GIGYF2: variants seen among roughly 807,000 people sequenced by gnomAD.
GIGYF2 encodes the protein GRB10 interacting GYF protein 2, also known as GRB10-interacting GYF protein 2.
GIGYF2 carries 25 observed loss-of-function variants against 208.1 expected under a neutral mutation model. The ratio of observed to expected loss-of-function variants is 0.12; its 90% CI spans 0.09 to 0.17. GIGYF2 has a LOEUF of 0.17. Ranked by LOEUF, GIGYF2 falls within the 10% of genes least tolerant of loss-of-function variation. The pLI is 1.00. For synonymous variants in GIGYF2, 534 were observed against 543.8 expected, an observed-to-expected ratio of 0.98 and a Z score of 0.25; for missense variants, 1,302 against 1,579.4, an observed-to-expected ratio of 0.82 and a Z score of 2.98.
At chr2:232,710,745 C>T (rs1401788963) in intron 2 of GIGYF2, among the ~76,000 whole-genome samples, 1 of 138,098 alleles carries the variant, frequency 7.2e-6, no homozygotes, top group Non-Finnish European at 1.5e-5. Flanking sequence ...GTTTCCCTGG[C>T]TGGAGTGCAG....
chr2:232,851,085 C>G (rs188235869), intron 28 of GIGYF2, among the ~76,000 whole-genome samples: 2 of 152,220 alleles, frequency 1.3e-5, no homozygotes, highest in Non-Finnish European at 2.9e-5. Context: ...CTTTGGGAAG[C>G]TGAGGTAGGT....
chr2:232,723,992 C>T (rs950433366), intron 2 of GIGYF2, among the ~76,000 whole-genome samples: 4 of 151,546 alleles, frequency 2.6e-5, no homozygotes, highest in Non-Finnish European at 5.9e-5. Context: ...CCTCGGCCTC[C>T]GAAAGTGCTG....
At chr2:232,837,171 T>G (rs1191047772) in intron 22 of GIGYF2, among the ~76,000 whole-genome samples, 1 of 152,216 alleles carries the variant, frequency 6.6e-6, no homozygotes, top group Non-Finnish European at 1.5e-5. Context: ...TGCACTTGTT[T>G]GGAACTTAGC....
intron 3 of GIGYF2, 151 bp from the exon 4 acceptor site, chr2:232,747,464 A>G: frequency 2.5e-6 from 2 of 806,460 alleles, no homozygotes; most frequent in Non-Finnish European, 4.0e-6. Context: ...ATGACAAAAG[A>G]TTGTATTAAA....
chr2:232,804,712 C>T (rs761879280), intron 14 of GIGYF2, among the ~76,000 whole-genome samples: 12 of 152,076 alleles, frequency 7.9e-5, no homozygotes, highest in African/African-American at 2.4e-4. Context: ...AGGCTGGTCT[C>T]GAACTCCTGA....
chr2:232,820,618 C>T (rs1701050133), intron 21 of GIGYF2, among the ~76,000 whole-genome samples: 1 of 151,970 alleles, frequency 6.6e-6, no homozygotes, highest in Non-Finnish European at 1.5e-5. Flanking sequence ...CCGGCCATCA[C>T]CCAGCAATAA....
At chr2:232,821,732 T>G (rs1409916810) in intron 21 of GIGYF2, among the ~76,000 whole-genome samples, 7 of 152,286 alleles carry the variant, frequency 4.6e-5, no homozygotes, top group Admixed American at 3.9e-4. Flanking sequence ...GTTTTTTTGT[T>G]TCTATGTAAG....
intron 8 of GIGYF2, chr2:232,766,059 TC>T (rs1295388188): frequency 5.3e-5 from 25 of 470,602 alleles, no homozygotes; most frequent in Middle Eastern, 3.2e-4. Flanking sequence ...CATTGTTACT[TC>T]CTTTTCCTCA....
chr2:232,836,913 TC>T (rs921541056), intron 22 of GIGYF2, among the ~76,000 whole-genome samples: 7 of 152,200 alleles, frequency 4.6e-5, no homozygotes, highest in Non-Finnish European at 7.4e-5. Context: ...TCTACCTGTT[TC>T]CTACACCACT....
intron 8 of GIGYF2, chr2:232,768,526 A>G: frequency 6.2e-7 from 1 of 1,614,150 alleles, no homozygotes; most frequent in African/African-American, 1.3e-5. Flanking sequence ...AGAGGACTTG[A>G]TGGTGTAATG....
chr2:232,811,438 A>T (rs1037158947), intron 17 of GIGYF2, 87 bp downstream of exon 17: 2 of 820,746 alleles, frequency 2.4e-6, no homozygotes, highest in Admixed American at 1.9e-5. Flanking sequence ...ATAGTGTGTG[A>T]TTTCTGGCAC....
In GIGYF2 at chr2:232,791,134, A is replaced by C. The variant is rs1700058054; in HGVS notation, c.1057A>C (p.Lys353Gln). ...GGCCAAAGAACCCGATAAGACAAAT[A>C]AGAAAGAAGGAGAGAAAACAGATAG... ...EEAKEPDKTNKKEGEKTDRVG... is the reference protein window; with the variant it reads ...EEAKEPDKTNQKEGEKTDRVG... The change falls in exon 11 of 29, where the codon AAG becomes CAG. Residue 353 changes from lysine (K) to glutamine (Q), a missense_variant. Physicochemically the swap from Lys to Gln is moderately conservative, Grantham distance 53 (BLOSUM62 1). Around this residue, in one of 8 missense-constraint regions of GIGYF2, gnomAD observed 235 missense variants for 218.8 expected, o/e 1.07. Transcript: ENST00000373563. The C allele has an allele frequency of 6.2e-7, 1 of 1,613,954 alleles. No individual in the cohort carries two copies. The highest frequency in any genetic ancestry group is 1.3e-5 in the African/African-American group (1 of 74,916).
intron 2 of GIGYF2, among the ~76,000 whole-genome samples, chr2:232,726,196 C>T (rs2106281398): frequency 6.6e-6 from 1 of 152,210 alleles, no homozygotes; most frequent in South Asian, 2.1e-4. Flanking sequence ...ATGCAAAACC[C>T]TGCCTCTACT....
At chr2:232,852,993 G>A (rs898078416) in intron 28 of GIGYF2, among the ~76,000 whole-genome samples, 1 of 152,088 alleles carries the variant, frequency 6.6e-6, no homozygotes, top group African/African-American at 2.4e-5. Flanking sequence ...ACCTTGAAGG[G>A]GAAGAAAAAC....
chr2:232,820,547 C>A (rs1574922167), intron 21 of GIGYF2, among the ~76,000 whole-genome samples: 2 of 151,968 alleles, frequency 1.3e-5, no homozygotes, highest in Non-Finnish European at 2.9e-5. Flanking sequence ...ATCTCCTGAC[C>A]TCATGATCCA....
intron 3 of GIGYF2, among the ~76,000 whole-genome samples, chr2:232,736,802 T>C (rs1697753082): frequency 6.6e-6 from 1 of 152,234 alleles, no homozygotes; most frequent in Non-Finnish European, 1.5e-5. Flanking sequence ...CATACCCTCA[T>C]GTCTGTTTCT....
Position 232,857,209 on chromosome 2 carries a change from CTCTTGTCACTTTTTT to C in GIGYF2, c.*354_*368del. The C allele has an allele frequency of 2.7e-6, 1 of 372,858 alleles. No individual in the cohort carries two copies. Among genetic ancestry groups the C allele is most frequent in the Non-Finnish European group, 5.0e-6 (1 of 200,896 alleles). The allele number at this position is 372,858 out of a possible 1,614,324, so 23.1% of individuals were successfully genotyped here. A position where few individuals can be genotyped will look rare whatever the true frequency, so the allele number is the denominator to read the frequency against. On this transcript the variant is annotated 3_prime_UTR_variant, in exon 29 of 29. Transcript: ENST00000373563. ...GGATCGGCCATTAGCAGCTTGCTTT[CTCTTGTCACTTTTTT>C]TCTTCTATTTTGTTTTTTCTTCTTC...
intron 2 of GIGYF2, among the ~76,000 whole-genome samples, chr2:232,728,850 A>G (rs1285457133): frequency 6.6e-6 from 1 of 152,230 alleles, no homozygotes; most frequent in African/African-American, 2.4e-5. Context: ...AACAGTCTAC[A>G]GAGGCAGGAT....
chr2:232,817,162 C>T (rs1343893005), intron 20 of GIGYF2, 130 bp downstream of exon 20: 2 of 774,122 alleles, frequency 2.6e-6, no homozygotes, highest in African/African-American at 3.4e-5. Context: ...GACTCACTCA[C>T]CTTTGGAAAG....
Sources: gnomAD v4.1 joint callset for allele counts (sites outside exome capture counted in the v4.1 genomes callset) on GRCh38, gnomAD v4.1.1 for gene constraint, gnomAD v4.1.1 regional missense constraint, MANE v1.5 for transcripts, NCBI Gene and HGNC (gene_info 2026-07-23, HGNC 2026-07-21) for gene names.